The following ANKS1B variants were observed in gnomAD, a reference collection of about 807,000 sequenced individuals.
The protein encoded by ANKS1B is ankyrin repeat and sterile alpha motif domain-containing protein 1B.
A neutral mutation model predicts 148.3 loss-of-function variants in ANKS1B; 36 were observed. The ratio of observed to expected loss-of-function variants is 0.24; its 90% CI spans 0.19 to 0.32. The LOEUF is 0.32. Among genes scored for constraint, ANKS1B ranks in the 10% least tolerant of loss-of-function variants. The probability of loss-of-function intolerance (pLI) is 1.00; values close to 1 mark genes in which losing one functional copy is unlikely to be tolerated. For synonymous variants in ANKS1B, 542 were observed against 560.8 expected, an observed-to-expected ratio of 0.97 and a Z score of 0.47; for missense variants, 1,157 against 1,542.6, an observed-to-expected ratio of 0.75 and a Z score of 4.19.
intron 15 of ANKS1B, among the ~76,000 whole-genome samples, chr12:99,122,888 C>T (rs1273981318): frequency 6.6e-6 from 1 of 151,562 alleles, no homozygotes; most frequent in African/African-American, 2.4e-5. Context: ...TGTCCTTTGC[C>T]AAGGCGACTT....
intron 1 of ANKS1B, among the ~76,000 whole-genome samples, chr12:99,836,289 T>C (rs750867300): frequency 6.6e-6 from 1 of 152,042 alleles, no homozygotes; most frequent in Non-Finnish European, 1.5e-5. Flanking sequence ...CATGTCTATT[T>C]GAGTCACAAA....
intron 1 of ANKS1B, among the ~76,000 whole-genome samples, chr12:99,895,798 C>T (rs1412774120): frequency 2.0e-5 from 3 of 151,080 alleles, no homozygotes; most frequent in Non-Finnish European, 4.4e-5. Flanking sequence ...TGGAGTCCTT[C>T]GGTTCTGGAA....
At chr12:99,821,486 T>C (rs2082494718) in intron 2 of ANKS1B, among the ~76,000 whole-genome samples, 2 of 150,806 alleles carry the variant, frequency 1.3e-5, no homozygotes, top group Admixed American at 1.3e-4. Flanking sequence ...AAAAAAAAAT[T>C]ATGCCATGGG....
intron 16 of ANKS1B, among the ~76,000 whole-genome samples, chr12:99,078,324 T>C (rs1216862059): frequency 2.0e-5 from 3 of 152,250 alleles, no homozygotes; most frequent in African/African-American, 7.2e-5. Flanking sequence ...AATACTCTTT[T>C]CAGTAATGAG....
At chr12:99,219,306 A>G (rs1286282895) in intron 14 of ANKS1B, among the ~76,000 whole-genome samples, 2 of 152,154 alleles carry the variant, frequency 1.3e-5, no homozygotes, top group East Asian at 3.9e-4. Context: ...CACTGATTTT[A>G]CATCCTAAAA....
At chr12:98,947,613 T>C (rs1282287716) in intron 17 of ANKS1B, among the ~76,000 whole-genome samples, 1 of 152,218 alleles carries the variant, frequency 6.6e-6, no homozygotes, top group African/African-American at 2.4e-5. Flanking sequence ...AGTAATTTGA[T>C]ATTGAGGGCT....
chr12:99,602,365 C>T (rs2097808272), intron 9 of ANKS1B, among the ~76,000 whole-genome samples: 1 of 152,008 alleles, frequency 6.6e-6, no homozygotes, highest in African/African-American at 2.4e-5. Flanking sequence ...TAGGCCTCCA[C>T]CAAACTTAGT....
At chr12:99,219,883 C>T (rs932390700) in intron 14 of ANKS1B, among the ~76,000 whole-genome samples, 6 of 152,218 alleles carry the variant, frequency 3.9e-5, no homozygotes, top group Non-Finnish European at 8.8e-5. Context: ...CTAGGCATCT[C>T]CAAACCCTGA....
chr12:98,822,322 A>G (rs11837133), intron 19 of ANKS1B, among the ~76,000 whole-genome samples: 8,456 of 152,232 alleles, frequency 0.056, 438 homozygotes, highest in African/African-American at 0.14. Context: ...GAGAAGGAGA[A>G]TAAGAACCAG....
intron 1 of ANKS1B, among the ~76,000 whole-genome samples, chr12:99,859,325 C>T (rs538458595): frequency 2.6e-4 from 39 of 152,284 alleles, no homozygotes; most frequent in South Asian, 8.3e-4. Context: ...CAAGTTTACA[C>T]GCATAATATA....
chr12:99,451,045 T>C (rs1490473871), intron 10 of ANKS1B, among the ~76,000 whole-genome samples: 10 of 152,170 alleles, frequency 6.6e-5, no homozygotes. Flanking sequence ...ATGCTCAACC[T>C]ACATTTCACA....
chr12:99,300,686 G>T (rs2081475510), intron 12 of ANKS1B, among the ~76,000 whole-genome samples: 1 of 152,194 alleles, frequency 6.6e-6, no homozygotes. Flanking sequence ...TGCAGTAGGG[G>T]TAAGAGGTGG....
intron 12 of ANKS1B, among the ~76,000 whole-genome samples, chr12:99,255,930 A>C (rs2153977613): frequency 6.6e-6 from 1 of 152,334 alleles, no homozygotes; most frequent in Non-Finnish European, 1.5e-5. Flanking sequence ...TTGAATACAA[A>C]GCTCTTTGCA....
At chr12:99,323,369 G>T (rs1190241761) in intron 12 of ANKS1B, among the ~76,000 whole-genome samples, 1 of 152,034 alleles carries the variant, frequency 6.6e-6, no homozygotes, top group Non-Finnish European at 1.5e-5. Flanking sequence ...CATTTTATGT[G>T]CATCATTTTA....
intron 8 of ANKS1B, among the ~76,000 whole-genome samples, chr12:99,769,139 C>T (rs1397783679): frequency 1.3e-5 from 2 of 152,018 alleles, no homozygotes; most frequent in African/African-American, 2.4e-5. Context: ...TTAAGATTTA[C>T]GAGATTTGTT....
chr12:99,259,061 C>A (rs2075631045), intron 12 of ANKS1B, among the ~76,000 whole-genome samples: 2 of 152,062 alleles, frequency 1.3e-5, no homozygotes, highest in Admixed American at 1.3e-4. Context: ...ACAGAGGAGC[C>A]CGTATGAGAT....
intron 25 of ANKS1B, among the ~76,000 whole-genome samples, chr12:98,771,607 G>T (rs2098577292): frequency 6.6e-6 from 1 of 152,100 alleles, no homozygotes; most frequent in South Asian, 2.1e-4. Flanking sequence ...TCAGGTAGCT[G>T]GGACTACAGG....
chr12:98,767,681 T>G (rs2153460002), intron 25 of ANKS1B, among the ~76,000 whole-genome samples: 1 of 152,362 alleles, frequency 6.6e-6, no homozygotes, highest in African/African-American at 2.4e-5. Context: ...TGAATGAGGC[T>G]CTTCTCAGAT....
intron 19 of ANKS1B, among the ~76,000 whole-genome samples, chr12:98,825,045 T>C (rs1566911376): frequency 6.6e-6 from 1 of 152,094 alleles, no homozygotes; most frequent in Admixed American, 6.5e-5. Context: ...TCAGGGACTA[T>C]AGAAGAACAA....
Sources: allele counts gnomAD v4.1 joint callset (sites outside exome capture counted in the v4.1 genomes callset), GRCh38; gene constraint gnomAD v4.1.1; transcripts MANE v1.5; gene names NCBI Gene and HGNC (gene_info 2026-07-23, HGNC 2026-07-21).